OPCML: variants seen among roughly 807,000 people sequenced by gnomAD.
OPCML encodes the protein opioid-binding protein/cell adhesion molecule.
OPCML carries 13 observed loss-of-function variants against 37.8 expected under a neutral mutation model. The observed-to-expected ratio is 0.34, with a 90% CI of 0.22 to 0.55. The LOEUF is 0.55. Ranked by LOEUF, OPCML falls within the 20% of genes least tolerant of loss-of-function variation. OPCML has a pLI of 0.91. For synonymous variants in OPCML, 176 were observed against 168.8 expected, an observed-to-expected ratio of 1.04 and a Z score of -0.33; for missense variants, 341 against 435.6, an observed-to-expected ratio of 0.78 and a Z score of 1.93.
intron 4 of OPCML, among the ~76,000 whole-genome samples, chr11:132,480,032 G>A (rs970721224): frequency 4.6e-5 from 7 of 152,186 alleles, no homozygotes; most frequent in African/African-American, 9.7e-5. Context: ...TGACTTTGAC[G>A]AGCTGAGAGA....
At chr11:132,993,423 T>G (rs1334422284) in intron 1 of OPCML, among the ~76,000 whole-genome samples, 3 of 152,130 alleles carry the variant, frequency 2.0e-5, no homozygotes, top group African/African-American at 7.2e-5. Flanking sequence ...CATTGTCTGT[T>G]TCTAATGAAG....
intron 1 of OPCML, among the ~76,000 whole-genome samples, chr11:133,083,271 G>A (rs931560022): frequency 6.6e-6 from 1 of 152,172 alleles, no homozygotes; most frequent in Non-Finnish European, 1.5e-5. Context: ...GCCTGAGCCG[G>A]GCGCGCGCTG....
chr11:133,329,249 C>T (rs1943559019), intron 1 of OPCML, among the ~76,000 whole-genome samples: 1 of 152,116 alleles, frequency 6.6e-6, no homozygotes, highest in African/African-American at 2.4e-5. Flanking sequence ...GTGAGAATGG[C>T]CATACTGCCC....
intron 4 of OPCML, among the ~76,000 whole-genome samples, chr11:132,454,934 C>T (rs1017240306): frequency 5.9e-5 from 9 of 152,166 alleles, no homozygotes; most frequent in African/African-American, 2.2e-4. Context: ...ATAAACATGT[C>T]AGGGGCATTG....
chr11:132,695,011 T>C (rs533659465), intron 2 of OPCML, among the ~76,000 whole-genome samples: 1 of 152,298 alleles, frequency 6.6e-6, no homozygotes, highest in East Asian at 1.9e-4. Flanking sequence ...AAGATCTTTG[T>C]TGAGAAGAAC....
intron 2 of OPCML, among the ~76,000 whole-genome samples, chr11:132,687,404 ATATATATATATATATATATATATATT>A (rs1943209180): frequency 3.1e-5 from 3 of 95,678 alleles, no homozygotes; most frequent in African/African-American, 6.3e-5. Context: ...ATATATATAT[ATATATATATATATATATATATATATT>A]TAATCTGTAT....
intron 2 of OPCML, among the ~76,000 whole-genome samples, chr11:132,804,952 T>C: frequency 6.6e-6 from 1 of 152,174 alleles, no homozygotes; most frequent in East Asian, 1.9e-4. Flanking sequence ...ACCCAGATGT[T>C]AGAGTTAGCA....
intron 2 of OPCML, among the ~76,000 whole-genome samples, chr11:132,870,217 T>C (rs1942743165): frequency 6.6e-6 from 1 of 152,186 alleles, no homozygotes; most frequent in South Asian, 2.1e-4. Flanking sequence ...AGCTTGATTC[T>C]AGGCTCAAGC....
At chr11:133,294,815 C>CTTTTTTTTTTTT (rs59382534) in intron 1 of OPCML, among the ~76,000 whole-genome samples, 54 of 56,538 alleles carry the variant, frequency 9.6e-4, no homozygotes, top group East Asian at 1.5e-3. Flanking sequence ...TTCTTTCTTT[C>CTTTTTTTTTTTT]TTTTTTTTTT....
chr11:132,428,212 G>T (rs2095984097), intron 7 of OPCML, among the ~76,000 whole-genome samples: 1 of 152,140 alleles, frequency 6.6e-6, no homozygotes, highest in African/African-American at 2.4e-5. Context: ...AGAACGCAAG[G>T]GAAAGTCAGA....
At position 132,441,165 on chromosome 11, in the gene OPCML, G is replaced by GTTTTTTTTTTGTTTTTT. The variant is rs2096031953; in HGVS notation, c.506-3807_506-3806insAAAAAACAAAAAAAAAA. On this transcript the variant is annotated intron_variant, in intron 4 of 7. Transcript: ENST00000524381. ...AGATGTGTTCACCAAGGACTTTTTT[G>GTTTTTTTTTTGTTTTTT]TTTTTTTTTTTTTTTTTTTTGAGAC... Among the ~76,000 whole-genome samples the GTTTTTTTTTTGTTTTTT allele has an allele frequency of 1.4e-3, 98 of 72,382 alleles. 1 individual carries two copies. The highest frequency in any genetic ancestry group is 0.01 in the African/African-American group (95 of 9,168). The allele number at this position is 72,382 out of a possible 152,430, so 47.5% of individuals were successfully genotyped here.
At chr11:132,513,420 T>C (rs1349602910) in intron 4 of OPCML, among the ~76,000 whole-genome samples, 1 of 152,182 alleles carries the variant, frequency 6.6e-6, no homozygotes, top group African/African-American at 2.4e-5. Flanking sequence ...TTTGCTTACA[T>C]TAATTTTTGT....
At chr11:132,968,318 G>A (rs574919094) in intron 1 of OPCML, among the ~76,000 whole-genome samples, 2 of 152,194 alleles carry the variant, frequency 1.3e-5, no homozygotes, top group East Asian at 3.9e-4. Context: ...TTACAGTTCT[G>A]GAGGCTGGAA....
intron 2 of OPCML, among the ~76,000 whole-genome samples, chr11:132,872,350 G>C (rs764475135): frequency 2.0e-5 from 3 of 152,118 alleles, no homozygotes; most frequent in Non-Finnish European, 4.4e-5. Context: ...CAGATGCTAT[G>C]GGCTGTTGCA....
chr11:133,183,399 T>A (rs1483844469), intron 1 of OPCML, among the ~76,000 whole-genome samples: 1 of 152,198 alleles, frequency 6.6e-6, no homozygotes, highest in Admixed American at 6.5e-5. Context: ...TTCCTAAACC[T>A]GTAGGATTTC....
intron 4 of OPCML, among the ~76,000 whole-genome samples, chr11:132,505,201 C>T (rs1332798358): frequency 6.6e-6 from 1 of 152,054 alleles, no homozygotes; most frequent in Non-Finnish European, 1.5e-5. Context: ...ATCCACTTAC[C>T]ACACAGATCA....
intron 1 of OPCML, among the ~76,000 whole-genome samples, chr11:133,232,946 G>A (rs1198363915): frequency 1.3e-5 from 2 of 152,192 alleles, no homozygotes; most frequent in African/African-American, 2.4e-5. Context: ...AGTTGGGATG[G>A]CATCAGGGGT....
rs916503389 is a variant in OPCML, at chr11:132,419,756, A to G, written c.*437T>C. On this transcript the variant is annotated 3_prime_UTR_variant, in exon 8 of 8. Transcript: ENST00000524381. ...TAAGAAAATAATCACAGATAATAGG[A>G]CACTTGGATGTAGCTCTTGCTGTGC... The G allele has an allele frequency of 1.2e-5, 2 of 161,444 alleles. No individual in the cohort carries two copies. The highest frequency in any genetic ancestry group is 2.4e-5 in the African/African-American group (1 of 41,592). The allele number at this position is 161,444 out of a possible 1,614,324, so 10.0% of individuals were successfully genotyped here. A position where few individuals can be genotyped will look rare whatever the true frequency, so the allele number is the denominator to read the frequency against.
intron 1 of OPCML, among the ~76,000 whole-genome samples, chr11:133,527,909 C>T (rs527745731): frequency 5.3e-4 from 81 of 152,302 alleles, no homozygotes; most frequent in African/African-American, 1.9e-3. Context: ...CCCCAGGCAG[C>T]CCTGACACAG....
Sources: gnomAD v4.1 joint callset for allele counts (sites outside exome capture counted in the v4.1 genomes callset) on GRCh38, gnomAD v4.1.1 for gene constraint, MANE v1.5 for transcripts, NCBI Gene and HGNC (gene_info 2026-07-23, HGNC 2026-07-21) for gene names.